SGCD: variants seen among roughly 807,000 people sequenced by gnomAD.
SGCD encodes the protein sarcoglycan delta, also known as delta-sarcoglycan.
In SGCD, 18 loss-of-function variants were observed where a neutral mutation model predicts 36.6. That is an observed-to-expected ratio of 0.49 (90% CI 0.34 to 0.73). The LOEUF (loss-of-function observed/expected upper bound fraction) is 0.73. Among genes scored for constraint, SGCD ranks in the 30% least tolerant of loss-of-function variants. The pLI is 0.01. For missense variants in SGCD, 387 were observed against 346.7 expected, an observed-to-expected ratio of 1.12 and a Z score of -0.92; for synonymous variants, 133 against 130.6, an observed-to-expected ratio of 1.02 and a Z score of -0.12.
chr5:156,274,242 A>G (rs1233702788), intron 3 of SGCD, among the ~76,000 whole-genome samples: 1 of 152,194 alleles, frequency 6.6e-6, no homozygotes, highest in Non-Finnish European at 1.5e-5. Flanking sequence ...ATTTTTAAAT[A>G]TCAAAATTAA....
At position 156,171,802 on chromosome 5, in the gene SGCD, T is replaced by G. The variant is rs918666702; in HGVS notation, c.-44+47783T>G. 1.2e-4 allele frequency among the ~76,000 whole-genome samples: 18 copies of G among 152,206 alleles called. No homozygotes were observed. In the East Asian group the frequency reaches 3.5e-3, roughly 29 times the overall value. Reference sequence around the variant, plus strand: ...TCTTCTTGTGCCTTTCAAATCCAACTCTAGTGGCAATGTCCCAGGGCACAT... The same window carrying G: ...TCTTCTTGTGCCTTTCAAATCCAACGCTAGTGGCAATGTCCCAGGGCACAT... On this transcript the variant is annotated intron_variant, in intron 3 of 9. Transcript: ENST00000517913.
At chr5:156,696,995 C>T (rs921762984) in intron 7 of SGCD, among the ~76,000 whole-genome samples, 7 of 150,726 alleles carry the variant, frequency 4.6e-5, no homozygotes, top group East Asian at 2.0e-4. Flanking sequence ...GGTTTCCAGA[C>T]GCTTGAGTGT....
intron 1 of SGCD, among the ~76,000 whole-genome samples, chr5:156,062,481 A>G (rs1489306616): frequency 8.4e-6 from 1 of 119,364 alleles, no homozygotes; most frequent in Non-Finnish European, 1.7e-5. Context: ...TGGTATTTCT[A>G]GTTCTAGATC....
chr5:156,673,041 G>T (rs1753363774), intron 7 of SGCD, among the ~76,000 whole-genome samples: 1 of 152,000 alleles, frequency 6.6e-6, no homozygotes, highest in African/African-American at 2.4e-5. Flanking sequence ...CTTCATTTTT[G>T]GATTCATTGA....
chr5:156,545,977 C>T (rs144150377), intron 4 of SGCD, among the ~76,000 whole-genome samples: 3 of 152,198 alleles, frequency 2.0e-5, no homozygotes, highest in Admixed American at 6.5e-5. Context: ...TTTTGAAAAA[C>T]GGCAGCATTA....
At chr5:156,692,966 CA>C (rs1019496533) in intron 7 of SGCD, among the ~76,000 whole-genome samples, 4 of 152,184 alleles carry the variant, frequency 2.6e-5, no homozygotes, top group African/African-American at 9.7e-5. Context: ...ACAGCACAGT[CA>C]CCTCCTTTTA....
At chr5:156,698,835 TA>T (rs1442391595) in intron 7 of SGCD, among the ~76,000 whole-genome samples, 3 of 89,230 alleles carry the variant, frequency 3.4e-5, no homozygotes, top group African/African-American at 1.5e-4. Flanking sequence ...AAAACTAAAT[TA>T]AAATACACAC....
At chr5:156,502,289 G>A (rs1396014278) in intron 3 of SGCD, among the ~76,000 whole-genome samples, 14 of 151,754 alleles carry the variant, frequency 9.2e-5, no homozygotes, top group South Asian at 8.3e-4. Flanking sequence ...CTCGTGATCC[G>A]CCCGCCTCGG....
intron 4 of SGCD, among the ~76,000 whole-genome samples, chr5:156,513,962 A>G (rs567185477): frequency 2.0e-5 from 3 of 152,366 alleles, no homozygotes; most frequent in Admixed American, 6.5e-5. Context: ...AGAATGTCTT[A>G]GAAATACCAC....
intron 1 of SGCD, among the ~76,000 whole-genome samples, chr5:155,946,558 C>G (rs1004507043): frequency 6.6e-6 from 1 of 152,048 alleles, no homozygotes; most frequent in African/African-American, 2.4e-5. Flanking sequence ...GTGCTGTCCC[C>G]AATCTCCTTC....
chr5:156,463,847 G>A (rs1222402568), intron 3 of SGCD, among the ~76,000 whole-genome samples: 1 of 151,990 alleles, frequency 6.6e-6, no homozygotes. Context: ...TCAAAAAAAT[G>A]AGCCAGGCAT....
In SGCD at chr5:156,140,320, T is replaced by C. The variant is rs181095039; in HGVS notation, c.-44+16301T>C. On this transcript the variant is annotated intron_variant, in intron 3 of 9. Coordinates refer to the SGCD transcript ENST00000517913. ...GCTGTGAACTGAGCATTAAGGGTGC[T>C]TCTGGTAGGGGCTCAGAAGAAGAGA... 2.0e-5 allele frequency among the ~76,000 whole-genome samples: 3 copies of C among 152,288 alleles called. No homozygotes were observed. In the East Asian group the frequency reaches 5.8e-4, roughly 29 times the overall value.
intron 4 of SGCD, among the ~76,000 whole-genome samples, chr5:156,567,695 A>AT (rs1759551683): frequency 6.6e-6 from 1 of 152,204 alleles, no homozygotes; most frequent in African/African-American, 2.4e-5. Context: ...TATGCTCATA[A>AT]TTGACAACGT....
At chr5:156,516,813 G>A (rs114538134) in intron 4 of SGCD, among the ~76,000 whole-genome samples, 3,355 of 152,162 alleles carry the variant, frequency 0.022, 52 homozygotes, top group Non-Finnish European at 0.036. Context: ...CCTGGCCAAC[G>A]TGATGAAACC....
chr5:156,194,231 T>A (rs981938911), intron 3 of SGCD, among the ~76,000 whole-genome samples: 1 of 151,850 alleles, frequency 6.6e-6, no homozygotes, highest in African/African-American at 2.4e-5. Context: ...ATACAAAAAT[T>A]AGCTGGGCAT....
At chr5:156,108,067 A>G (rs920785515) in intron 1 of SGCD, among the ~76,000 whole-genome samples, 8 of 152,112 alleles carry the variant, frequency 5.3e-5, no homozygotes, top group African/African-American at 1.9e-4. Flanking sequence ...GTCTAATTTG[A>G]CGAGTTGGTA....
intron 3 of SGCD, among the ~76,000 whole-genome samples, chr5:156,230,102 C>G (rs1383858784): frequency 2.6e-5 from 4 of 152,052 alleles, no homozygotes; most frequent in Non-Finnish European, 5.9e-5. Context: ...TTTGGCTTCA[C>G]CTTTCTCTGG....
the SGCD span, among the ~76,000 whole-genome samples, chr5:155,801,423 T>C: frequency 6.6e-6 from 1 of 152,192 alleles, no homozygotes; most frequent in Non-Finnish European, 1.5e-5. Flanking sequence ...GTTGAACTTC[T>C]CTTGTCCAAC....
rs78098034 is a variant in SGCD, at chr5:156,491,963, C to T, written c.193-16638C>T. Among the ~76,000 whole-genome samples, 723 of 152,010 alleles carry T rather than the reference C, an allele frequency of 4.8e-3. 3 individuals are homozygous for T. The highest frequency in any genetic ancestry group is 0.016 in the African/African-American group (667 of 41,388). ...TTGCTTGACAACTCCTGATACTGTTCTATAATTGGGTTTCCCTGTCATCAG... is the reference window on the plus strand; with the variant it reads ...TTGCTTGACAACTCCTGATACTGTTTTATAATTGGGTTTCCCTGTCATCAG... On this transcript the variant is annotated intron_variant, in intron 3 of 8. Coordinates refer to ENST00000337851, the MANE Select transcript of SGCD (RefSeq NM_000337.6).
Sources: allele counts gnomAD v4.1 joint callset (sites outside exome capture counted in the v4.1 genomes callset), GRCh38; gene constraint gnomAD v4.1.1; transcripts MANE v1.5; gene names NCBI Gene and HGNC (gene_info 2026-07-23, HGNC 2026-07-21).